PCMTD1: variants seen among roughly 807,000 people sequenced by gnomAD.
PCMTD1 encodes protein-L-isoaspartate (D-aspartate) O-methyltransferase domain containing 1, also known as protein-L-isoaspartate O-methyltransferase domain-containing protein 1.
A neutral mutation model predicts 37.6 loss-of-function variants in PCMTD1; 12 were observed. That is an observed-to-expected ratio of 0.32 (90% CI 0.20 to 0.52). The LOEUF (loss-of-function observed/expected upper bound fraction) is 0.52, where lower values mean the gene tolerates loss of function less well. PCMTD1 is among the 20% of genes least tolerant of loss of function. The pLI is 0.97. For missense variants in PCMTD1, 235 were observed against 421.3 expected (o/e 0.56, Z 3.87); for synonymous variants, 117 against 135.8 (o/e 0.86, Z 0.96).
intron 2 of PCMTD1, among the ~76,000 whole-genome samples, chr8:51,846,215 A>C (rs1319799928): frequency 1.3e-5 from 2 of 152,200 alleles, no homozygotes; most frequent in South Asian, 2.1e-4. Flanking sequence ...GTAGAGGCTA[A>C]ATTCCCACCC....
chr8:51,820,464 T>A lies in PCMTD1; in HGVS notation c.961A>T (p.Asn321Tyr), dbSNP rs763715683. 1.6e-5 allele frequency: 26 copies of A among 1,613,922 alleles called. No individual in the cohort carries two copies. The highest frequency in any genetic ancestry group is 2.2e-5 in the Non-Finnish European group (26 of 1,179,962). ...DNKEEEEKDHNEAMKPEEPPQ... is the reference protein window; with the variant it reads ...DNKEEEEKDHYEAMKPEEPPQ... ...GGCTCCTCTGGCTTCATTGCTTCAT[T>A]GTGATCTTTTTCCTCCTCTTCTTTG... The change falls in exon 6 of 6, where the codon AAT becomes TAT. Residue 321 changes from asparagine (N) to tyrosine (Y), a missense_variant. Asn to Tyr is a moderately radical substitution (Grantham distance 143). Coordinates refer to ENST00000522514, the MANE Select transcript of PCMTD1 (RefSeq NM_052937.4).
chr8:51,869,170 T>A (rs2038603551), intron 1 of PCMTD1, among the ~76,000 whole-genome samples: 1 of 152,246 alleles, frequency 6.6e-6, no homozygotes, highest in African/African-American at 2.4e-5. Context: ...TAGTGAATAC[T>A]GTGATAATTC....
At chr8:51,843,776 G>A (rs1018369695) in intron 3 of PCMTD1, among the ~76,000 whole-genome samples, 4 of 152,134 alleles carry the variant, frequency 2.6e-5, no homozygotes, top group Admixed American at 2.6e-4. Flanking sequence ...GAGCTCCACA[G>A]ACACTTGCAC....
chr8:51,861,955 C>T (rs985794484), intron 1 of PCMTD1, among the ~76,000 whole-genome samples: 2 of 152,114 alleles, frequency 1.3e-5, no homozygotes, highest in African/African-American at 4.8e-5. Flanking sequence ...CTCAAGAGAT[C>T]CATCCGCCCG....
At chr8:51,897,228 C>G (rs927160960) in intron 1 of PCMTD1, among the ~76,000 whole-genome samples, 1 of 152,188 alleles carries the variant, frequency 6.6e-6, no homozygotes, top group Non-Finnish European at 1.5e-5. Context: ...ATCAACAAAG[C>G]CTCCAGCTCT....
chr8:51,898,674 G>T (rs1005608707), intron 1 of PCMTD1, among the ~76,000 whole-genome samples: 1 of 151,710 alleles, frequency 6.6e-6, no homozygotes, highest in Non-Finnish European at 1.5e-5. Flanking sequence ...CCGACCTCCA[G>T]GCTTCGCTGG....
At chr8:51,858,544 G>C (rs1414768802) in intron 2 of PCMTD1, among the ~76,000 whole-genome samples, 1 of 152,118 alleles carries the variant, frequency 6.6e-6, no homozygotes, top group Non-Finnish European at 1.5e-5. Context: ...TCCCCTCCAT[G>C]ACATAAAACA....
intron 1 of PCMTD1, among the ~76,000 whole-genome samples, chr8:51,889,154 G>T (rs1309087956): frequency 6.6e-6 from 1 of 152,150 alleles, no homozygotes. Context: ...AGAGCATGAG[G>T]TTATCAGTCC....
intron 3 of PCMTD1, chr8:51,839,405 T>C: frequency 7.2e-6 from 7 of 967,576 alleles, no homozygotes; most frequent in Non-Finnish European, 8.6e-6. Context: ...GTTTAGAACA[T>C]GAAGACTTGC....
intron 1 of PCMTD1, among the ~76,000 whole-genome samples, chr8:51,895,441 T>G (rs2038986452): frequency 6.6e-6 from 1 of 152,190 alleles, no homozygotes; most frequent in Admixed American, 6.5e-5. Context: ...GCAAATTAGT[T>G]TTTAAACTCC....
intron 2 of PCMTD1, among the ~76,000 whole-genome samples, chr8:51,854,815 T>C (rs2038359225): frequency 2.0e-5 from 3 of 151,286 alleles, no homozygotes. Flanking sequence ...AGGCGGAGGT[T>C]GCAGTGAGTG....
At position 51,820,410 on chromosome 8, in the gene PCMTD1, T is replaced by C. The variant is rs770783401; in HGVS notation, c.1015A>G (p.Met339Val). ...PPQNLLREKI[M>V]KLPLPESLKA... ...AAAGATTCAGGGAGGGGCAGCTTCA[T>C]GATTTTTTCTCTCAGTAAATTTTGA... The change falls in exon 6 of 6, where the codon ATG becomes GTG. Residue 339 changes from methionine (M) to valine (V), a missense_variant. Physicochemically the swap from Met to Val is conservative, Grantham distance 21 (BLOSUM62 1). Coordinates refer to ENST00000522514, the MANE Select transcript of PCMTD1 (RefSeq NM_052937.4). The C allele has an allele frequency of 6.2e-7, 1 of 1,611,212 alleles. No individual in the cohort carries two copies. The highest frequency in any genetic ancestry group is 8.5e-7 in the Non-Finnish European group (1 of 1,179,224).
At chr8:51,858,926 T>C (rs998596082) in intron 2 of PCMTD1, among the ~76,000 whole-genome samples, 1 of 152,228 alleles carries the variant, frequency 6.6e-6, no homozygotes, top group Non-Finnish European at 1.5e-5. Flanking sequence ...ACATTCATGA[T>C]ACAATAAGTT....
At chr8:51,826,550 C>CTA (rs1490440955) in intron 5 of PCMTD1, among the ~76,000 whole-genome samples, 1 of 152,118 alleles carries the variant, frequency 6.6e-6, no homozygotes, top group Non-Finnish European at 1.5e-5. Flanking sequence ...TACTCCAAAA[C>CTA]TACAGTTCAG....
intron 2 of PCMTD1, 48 bp from the exon 3 acceptor site, chr8:51,845,811 T>C: frequency 1.5e-6 from 2 of 1,320,396 alleles, no homozygotes; most frequent in Non-Finnish European, 2.1e-6. Flanking sequence ...AATATGCCCT[T>C]ACAGAGCTCT....
At chr8:51,864,422 T>C (rs1295769513) in intron 1 of PCMTD1, among the ~76,000 whole-genome samples, 1 of 152,150 alleles carries the variant, frequency 6.6e-6, no homozygotes, top group Non-Finnish European at 1.5e-5. Flanking sequence ...GAACATTCTA[T>C]CCAACAGCAA....
chr8:51,820,213 A>C lies in PCMTD1; in HGVS notation c.*138T>G. On this transcript the variant is annotated 3_prime_UTR_variant, in exon 6 of 6. Coordinates refer to ENST00000522514, the MANE Select transcript of PCMTD1 (RefSeq NM_052937.4). ...ATTCACTGAATACATCATTTGTGTTACTGACAGAAACAAGTGATTTTTTTT... is the reference window on the plus strand; with the variant it reads ...ATTCACTGAATACATCATTTGTGTTCCTGACAGAAACAAGTGATTTTTTTT... The C allele has an allele frequency of 1.6e-6, 1 of 612,912 alleles. No individual in the cohort carries two copies. Among genetic ancestry groups the C allele is most frequent in the Non-Finnish European group, 2.4e-6 (1 of 416,376 alleles). The allele number at this position is 612,912 out of a possible 1,614,324, so 38.0% of individuals were successfully genotyped here. A position where few individuals can be genotyped will look rare whatever the true frequency, so the allele number is the denominator to read the frequency against.
At chr8:51,868,436 T>C (rs1278223902) in intron 1 of PCMTD1, among the ~76,000 whole-genome samples, 1 of 152,144 alleles carries the variant, frequency 6.6e-6, no homozygotes, top group Non-Finnish European at 1.5e-5. Flanking sequence ...CCTTCTGGAA[T>C]GTGAGGCTGG....
At chr8:51,866,164 C>G (rs562430178) in intron 1 of PCMTD1, among the ~76,000 whole-genome samples, 1 of 151,380 alleles carries the variant, frequency 6.6e-6, no homozygotes, top group African/African-American at 2.4e-5. Flanking sequence ...GTAGAAAACA[C>G]AAATAAATGG....
Sources: gnomAD v4.1 joint callset for allele counts (sites outside exome capture counted in the v4.1 genomes callset) on GRCh38, gnomAD v4.1.1 for gene constraint, MANE v1.5 for transcripts, NCBI Gene and HGNC (gene_info 2026-07-23, HGNC 2026-07-21) for gene names.